TBC1D5: variants seen among roughly 807,000 people sequenced by gnomAD.
The protein encoded by TBC1D5 is TBC1 domain family member 5, also known as TBC1 domain family, member 5.
A neutral mutation model predicts 100.3 loss-of-function variants in TBC1D5; 75 were observed. The observed-to-expected ratio is 0.75, with a 90% CI of 0.62 to 0.91. The LOEUF is 0.91. TBC1D5 is among the 40% of genes least tolerant of loss of function. The pLI is 0.00. For synonymous variants in TBC1D5, 323 were observed against 325.6 expected, an observed-to-expected ratio of 0.99 and a Z score of 0.09; for missense variants, 910 against 942.4, an observed-to-expected ratio of 0.97 and a Z score of 0.45.
At chr3:17,267,660 C>A (rs1231701342) in intron 15 of TBC1D5, among the ~76,000 whole-genome samples, 1 of 151,950 alleles carries the variant, frequency 6.6e-6, no homozygotes, top group African/African-American at 2.4e-5. Flanking sequence ...ATTTTTGAAC[C>A]CCCAAGAATA....
chr3:17,177,086 A>G (rs1404051010), intron 19 of TBC1D5, among the ~76,000 whole-genome samples: 1 of 152,232 alleles, frequency 6.6e-6, no homozygotes, highest in Non-Finnish European at 1.5e-5. Context: ...AAGTTTACCA[A>G]AGATGATGGA....
intron 3 of TBC1D5, among the ~76,000 whole-genome samples, chr3:17,493,497 T>C (rs1278780908): frequency 1.3e-5 from 2 of 152,230 alleles, no homozygotes; most frequent in African/African-American, 4.8e-5. Flanking sequence ...GAAGTTCTCC[T>C]GGATGATATC....
At chr3:17,165,997 G>C (rs1306564252) in intron 21 of TBC1D5, among the ~76,000 whole-genome samples, 1 of 152,160 alleles carries the variant, frequency 6.6e-6, no homozygotes, top group Non-Finnish European at 1.5e-5. Context: ...ACATAAGGAA[G>C]CTGTAGGAAG....
chr3:17,531,740 T>G (rs1268937569), intron 2 of TBC1D5, among the ~76,000 whole-genome samples: 1 of 152,208 alleles, frequency 6.6e-6, no homozygotes, highest in African/African-American at 2.4e-5. Flanking sequence ...GGGGAAAGGA[T>G]TCCCTATTTA....
intron 15 of TBC1D5, among the ~76,000 whole-genome samples, chr3:17,290,670 G>T (rs1301490054): frequency 2.6e-5 from 4 of 152,016 alleles, no homozygotes; most frequent in Non-Finnish European, 4.4e-5. Flanking sequence ...GGGTTTTTTT[G>T]GGGGTGTAGG....
At chr3:17,665,995 GCAGT>G (rs1197417426) in intron 1 of TBC1D5, among the ~76,000 whole-genome samples, 1 of 152,182 alleles carries the variant, frequency 6.6e-6, no homozygotes, top group East Asian at 1.9e-4. Context: ...TTCCAATTAT[GCAGT>G]CAAAGTGCTG....
intron 3 of TBC1D5, among the ~76,000 whole-genome samples, chr3:17,454,430 A>T (rs1420596207): frequency 6.6e-6 from 1 of 152,210 alleles, no homozygotes; most frequent in African/African-American, 2.4e-5. Flanking sequence ...GTTGCAGGAT[A>T]CAAAATCAAC....
intron 1 of TBC1D5, among the ~76,000 whole-genome samples, chr3:17,641,988 C>G (rs988415607): frequency 2.6e-5 from 4 of 152,010 alleles, no homozygotes; most frequent in Non-Finnish European, 5.9e-5. Flanking sequence ...TAGTATTGCT[C>G]TTTTATTGAT....
chr3:17,224,676 G>A (rs1019397658), intron 17 of TBC1D5, among the ~76,000 whole-genome samples: 5 of 152,142 alleles, frequency 3.3e-5, no homozygotes, highest in African/African-American at 1.2e-4. Flanking sequence ...ATATGTCTGG[G>A]AGAAATCTTT....
chr3:17,376,202 T>A (rs191269548), intron 10 of TBC1D5, among the ~76,000 whole-genome samples: 2 of 152,124 alleles, frequency 1.3e-5, no homozygotes, highest in Admixed American at 1.3e-4. Flanking sequence ...TCATTGAGCA[T>A]GATATATATG....
chr3:17,417,784 T>C (rs1277084619), intron 4 of TBC1D5, among the ~76,000 whole-genome samples: 1 of 152,180 alleles, frequency 6.6e-6, no homozygotes, highest in Non-Finnish European at 1.5e-5. Flanking sequence ...TCCACAATGG[T>C]TGAACTAGTT....
rs563582833 is a variant in TBC1D5, at chr3:17,612,473, T to C, written c.-36+11376A>G. The stretch of plus-strand genomic sequence containing the variant: ...AGAAACCCCGTCTATACTAAAAAAA[T>C]ACGAAAATTAGTCGGGCATGGTGGC... On this transcript the variant is annotated intron_variant, in intron 2 of 21. Transcript: ENST00000253692. Among the ~76,000 whole-genome samples, 5 of 151,260 alleles carry C rather than the reference T, an allele frequency of 3.3e-5. No individual in the cohort carries two copies. The East Asian group carries it at 9.7e-4, about 29-fold the overall frequency.
rs189112278 is a variant in TBC1D5, at chr3:17,645,294, A to C, written c.-100-21381T>G. On this transcript the variant is annotated intron_variant, in intron 1 of 21. Coordinates refer to ENST00000253692, the Ensembl canonical transcript of TBC1D5. The stretch of plus-strand genomic sequence containing the variant: ...TAACCAGCAGGGGGAGATACAGAGG[A>C]GAGTAGTAAGACAAAGAACAGGCTA... 6.3e-4 allele frequency among the ~76,000 whole-genome samples: 96 copies of C among 152,196 alleles called. 1 individual carries two copies. The highest frequency in any genetic ancestry group is 1.0e-3 in the Non-Finnish European group (69 of 67,994).
chr3:17,414,121 G>A (rs892221179), intron 4 of TBC1D5, among the ~76,000 whole-genome samples: 4 of 152,322 alleles, frequency 2.6e-5, no homozygotes, highest in Middle Eastern at 6.8e-3. Context: ...AGGTCAGCCA[G>A]TCAACCAGAT....
At chr3:17,254,460 T>C (rs2077451221) in intron 16 of TBC1D5, among the ~76,000 whole-genome samples, 1 of 152,192 alleles carries the variant, frequency 6.6e-6, no homozygotes, top group African/African-American at 2.4e-5. Flanking sequence ...ATTTTCCTGA[T>C]GACTAATGTT....
chr3:17,702,513 G>T (rs780101751), intron 1 of TBC1D5, among the ~76,000 whole-genome samples: 1 of 151,904 alleles, frequency 6.6e-6, no homozygotes, highest in Non-Finnish European at 1.5e-5. Flanking sequence ...ACACAGAAAA[G>T]GATACATAAA....
chr3:17,383,842 G>A, intron 9 of TBC1D5, 71 bp downstream of exon 9: 1 of 1,176,250 alleles, frequency 8.5e-7, no homozygotes, highest in Non-Finnish European at 1.2e-6. Flanking sequence ...CTACATTATT[G>A]CTCTATCATT....
At chr3:17,531,553 C>T (rs1191402045) in intron 2 of TBC1D5, among the ~76,000 whole-genome samples, 1 of 152,178 alleles carries the variant, frequency 6.6e-6, no homozygotes, top group African/African-American at 2.4e-5. Flanking sequence ...AAGAACGAAG[C>T]TGGAGGCATC....
chr3:17,538,790 G>GT (rs2096313935), intron 2 of TBC1D5, among the ~76,000 whole-genome samples: 2 of 152,198 alleles, frequency 1.3e-5, no homozygotes, highest in Non-Finnish European at 2.9e-5. Flanking sequence ...TATAATCCCA[G>GT]TATCTTGGGA....
Sources: allele counts gnomAD v4.1 joint callset (sites outside exome capture counted in the v4.1 genomes callset), GRCh38; gene constraint gnomAD v4.1.1; transcripts MANE v1.5; gene names NCBI Gene and HGNC (gene_info 2026-07-23, HGNC 2026-07-21).